ADAM22: variants seen among roughly 807,000 people sequenced by gnomAD.
ADAM22 encodes disintegrin and metalloproteinase domain-containing protein 22.
Under a neutral mutation model 144.6 loss-of-function variants are expected in ADAM22, and 65 were observed. That is an observed-to-expected ratio of 0.45 (90% confidence interval 0.37 to 0.55). The LOEUF (loss-of-function observed/expected upper bound fraction) is 0.55. ADAM22 is among the 20% of genes least tolerant of loss of function. The pLI is 0.00. For missense variants in ADAM22, 974 were observed against 1,184.9 expected (o/e 0.82, Z 2.61); for synonymous variants, 391 against 412.6 (o/e 0.95, Z 0.63).
chr7:88,034,907 T>A (rs1438714285), intron 3 of ADAM22, among the ~76,000 whole-genome samples: 1 of 152,190 alleles, frequency 6.6e-6, no homozygotes, highest in Non-Finnish European at 1.5e-5. Flanking sequence ...GAAGGGTTGC[T>A]GTTGGCAATT....
chr7:87,934,687 G>A (rs997764026), intron 1 of ADAM22, 137 bp downstream of exon 1: 29 of 863,918 alleles, frequency 3.4e-5, no homozygotes, highest in Non-Finnish European at 4.6e-5. Context: ...TTTTAATTCG[G>A]GAGGGTGGTG....
At chr7:88,042,683 A>G (rs1028639631) in intron 3 of ADAM22, among the ~76,000 whole-genome samples, 1 of 151,834 alleles carries the variant, frequency 6.6e-6, no homozygotes, top group Non-Finnish European at 1.5e-5. Context: ...CTCAGTTAGT[A>G]ATTATGTTCA....
At chr7:88,165,442 T>G (rs1204401119) in intron 23 of ADAM22, among the ~76,000 whole-genome samples, 1 of 152,134 alleles carries the variant, frequency 6.6e-6, no homozygotes, top group Non-Finnish European at 1.5e-5. Context: ...TGAATAACAT[T>G]TTTGCATGAA....
chr7:88,095,746 G>A (rs150382756), intron 4 of ADAM22, among the ~76,000 whole-genome samples: 47 of 152,190 alleles, frequency 3.1e-4, no homozygotes, highest in African/African-American at 9.6e-4. Context: ...AGACATCCAC[G>A]TGTAGATTTA....
At chr7:88,177,996 T>C (rs531949180) in intron 26 of ADAM22, among the ~76,000 whole-genome samples, 124 of 152,252 alleles carry the variant, frequency 8.1e-4, no homozygotes, top group African/African-American at 2.7e-3. Flanking sequence ...CAGTTGGCTA[T>C]TTGGAGGCTA....
intron 31 of ADAM22, among the ~76,000 whole-genome samples, chr7:88,195,598 C>A (rs1563447721): frequency 6.6e-6 from 1 of 152,140 alleles, no homozygotes; most frequent in East Asian, 1.9e-4. Flanking sequence ...TCACTGCAAG[C>A]TCCGCCTCCC....
intron 2 of ADAM22, among the ~76,000 whole-genome samples, chr7:87,971,521 A>G (rs1850437346): frequency 6.6e-6 from 1 of 152,168 alleles, no homozygotes; most frequent in Non-Finnish European, 1.5e-5. Context: ...TACCTGAAGT[A>G]CCTGTTTAAT....
At chr7:88,193,511 A>G (rs974476016) in intron 31 of ADAM22, among the ~76,000 whole-genome samples, 26 of 152,222 alleles carry the variant, frequency 1.7e-4, no homozygotes, top group African/African-American at 6.3e-4. Flanking sequence ...TACAGTAAAC[A>G]AAACAGTGTA....
intron 5 of ADAM22, among the ~76,000 whole-genome samples, chr7:88,110,414 C>T (rs1232216651): frequency 1.3e-5 from 2 of 152,002 alleles, no homozygotes; most frequent in African/African-American, 4.8e-5. Context: ...TCTCAGTACT[C>T]GTTCCAGTCT....
In ADAM22 at chr7:88,198,006, C is replaced by G. The variant is rs1039327452; in HGVS notation, c.*1515C>G. ...CTGTTATAATGGCAGATCTGTCATT[C>G]CAAAAGAAAGCTAGCTACCCTAGTG... On this transcript the variant is annotated 3_prime_UTR_variant, in exon 32 of 32. Coordinates refer to ENST00000413139, the MANE Select transcript of ADAM22 (RefSeq NM_001324418.2). 5.9e-5 allele frequency: 9 copies of G among 152,144 alleles called. No individual in the cohort carries two copies. The highest frequency in any genetic ancestry group is 1.3e-4 in the Non-Finnish European group (9 of 68,024). 9.4% of individuals were successfully genotyped at this position (152,144 alleles called of 1,614,324 possible). A position where few individuals can be genotyped will look rare whatever the true frequency, so the allele number is the denominator to read the frequency against.
chr7:88,019,868 TG>T (rs1797372794), intron 3 of ADAM22, among the ~76,000 whole-genome samples: 3 of 134,526 alleles, frequency 2.2e-5, no homozygotes, highest in African/African-American at 3.5e-5. Context: ...TGTGTGTGTG[TG>T]TGTGTGTGTG....
At chr7:88,145,298 T>G in intron 16 of ADAM22, 102 bp downstream of exon 16, 1 of 1,504,984 alleles carries the variant, frequency 6.6e-7, no homozygotes, top group South Asian at 1.2e-5. Flanking sequence ...TGGAATTTTA[T>G]AGGATTTGTG....
In ADAM22 at chr7:88,133,731, T is replaced by C. The variant is rs982119505; in HGVS notation, c.1078-598T>C. Among the ~76,000 whole-genome samples, 4 of 152,038 alleles carry C rather than the reference T, an allele frequency of 2.6e-5. No individual in the cohort carries two copies. The East Asian group carries it at 7.7e-4, about 29-fold the overall frequency. On this transcript the variant is annotated intron_variant, in intron 12 of 31. Transcript: ENST00000413139. ...AAAATAGAGTAGGTTTTCCAAAGGGTTTCTTTTACTCCTAAGGCACTAAAC... is the reference window on the plus strand; with the variant it reads ...AAAATAGAGTAGGTTTTCCAAAGGGCTTCTTTTACTCCTAAGGCACTAAAC...
At chr7:88,079,029 C>T (rs906838085) in intron 4 of ADAM22, among the ~76,000 whole-genome samples, 13 of 152,034 alleles carry the variant, frequency 8.6e-5, no homozygotes, top group African/African-American at 3.1e-4. Flanking sequence ...AGAGCAACTC[C>T]AAGACACATA....
rs574652648 is a variant in ADAM22, at chr7:88,137,376, A to T, written c.1220+1345A>T. 7.2e-5 allele frequency among the ~76,000 whole-genome samples: 11 copies of T among 152,228 alleles called. No homozygotes were observed. In the East Asian group the frequency reaches 2.1e-3, roughly 29 times the overall value. ...ATAATCTTTCTTCATTTTCATTTGC[A>T]ATCTCCTTTTCCCCTACTATTCATG... On this transcript the variant is annotated intron_variant, in intron 14 of 31. Coordinates refer to ENST00000413139, the MANE Select transcript of ADAM22 (RefSeq NM_001324418.2).
At chr7:87,948,997 G>A (rs1176492100) in intron 2 of ADAM22, among the ~76,000 whole-genome samples, 2 of 152,176 alleles carry the variant, frequency 1.3e-5, no homozygotes, top group Admixed American at 6.5e-5. Flanking sequence ...GTTAGTGATT[G>A]TATGTACTTT....
chr7:88,181,696 C>T (rs1847067783), intron 28 of ADAM22, 91 bp downstream of exon 28: 12 of 1,083,596 alleles, frequency 1.1e-5, no homozygotes, highest in South Asian at 1.5e-5. Flanking sequence ...TTCTTTGAAG[C>T]TCTTTAGCTC....
chr7:88,065,910 C>T (rs1208944461), intron 3 of ADAM22, among the ~76,000 whole-genome samples: 2 of 152,222 alleles, frequency 1.3e-5, no homozygotes, highest in East Asian at 3.9e-4. Flanking sequence ...ACTCTATGCT[C>T]ACAGCCTTGT....
rs1585319406 is a variant in ADAM22, at chr7:88,057,498, G to A, written c.324-18128G>A. 2.6e-5 allele frequency among the ~76,000 whole-genome samples: 4 copies of A among 152,110 alleles called. No homozygotes were observed. The South Asian group carries it at 6.2e-4, about 24-fold the overall frequency. On this transcript the variant is annotated intron_variant, in intron 3 of 31. Coordinates refer to ENST00000413139, the MANE Select transcript of ADAM22 (RefSeq NM_001324418.2). ...AGCTTTAATTAAGTTTTGAACTATG[G>A]CAGCATCATTGACATAAATGAAGAA...
Sources: gnomAD v4.1 joint callset for allele counts (sites outside exome capture counted in the v4.1 genomes callset) on GRCh38, gnomAD v4.1.1 for gene constraint, MANE v1.5 for transcripts, NCBI Gene and HGNC (gene_info 2026-07-23, HGNC 2026-07-21) for gene names.